ULK4: variants seen among roughly 807,000 people sequenced by gnomAD.
ULK4 encodes inactive serine/threonine-protein kinase ULK4.
Under a neutral mutation model 160.6 loss-of-function variants are expected in ULK4, and 133 were observed. That is an observed-to-expected ratio of 0.83 (90% confidence interval 0.72 to 0.96). The LOEUF is 0.96. Ranked by LOEUF, ULK4 falls within the 40% of genes least tolerant of loss-of-function variation. The pLI is 0.00. For synonymous variants in ULK4, 534 were observed against 539.8 expected, an observed-to-expected ratio of 0.99 and a Z score of 0.15; for missense variants, 1,580 against 1,499.5, an observed-to-expected ratio of 1.05 and a Z score of -0.89.
At chr3:41,728,422 CTTTTTAATAACCAGCTCTGGTGA>C (rs1047383323) in intron 22 of ULK4, among the ~76,000 whole-genome samples, 1 of 152,050 alleles carries the variant, frequency 6.6e-6, no homozygotes, top group Non-Finnish European at 1.5e-5. Context: ...GTACAAGGCT[CTTTTTAATAACCAGCTCTGGTGA>C]GAACTAATGG....
chr3:41,869,406 C>T (rs1697011758), intron 17 of ULK4, among the ~76,000 whole-genome samples: 2 of 152,044 alleles, frequency 1.3e-5, no homozygotes, highest in Admixed American at 1.3e-4. Flanking sequence ...GAAACCCCAT[C>T]TCTACTAAAA....
intron 17 of ULK4, among the ~76,000 whole-genome samples, chr3:41,876,525 G>T (rs1432041368): frequency 6.6e-6 from 1 of 152,090 alleles, no homozygotes; most frequent in African/African-American, 2.4e-5. Flanking sequence ...CCCTAAAGTT[G>T]AACACACACA....
rs548853391 is a variant in ULK4, at chr3:41,893,950, T to C, written c.1577+1568A>G. On this transcript the variant is annotated intron_variant, in intron 16 of 36. Transcript: ENST00000301831. ...AGAGAAAACGTCGCTGGAAGTGGCT[T>C]TGAATGGAGAAAGAATAAAAGAGGA... Among the ~76,000 whole-genome samples, 183 of 152,260 alleles carry C rather than the reference T, an allele frequency of 1.2e-3. No individual in the cohort carries two copies. The Middle Eastern group carries it at 0.014, about 11-fold the overall frequency.
chr3:41,832,747 T>C (rs2041632342), intron 18 of ULK4, among the ~76,000 whole-genome samples: 1 of 152,228 alleles, frequency 6.6e-6, no homozygotes, highest in Non-Finnish European at 1.5e-5. Context: ...CAGTTTCAGT[T>C]TTCTGCATAT....
intron 22 of ULK4, among the ~76,000 whole-genome samples, chr3:41,737,447 A>G (rs2038094214): frequency 6.6e-6 from 1 of 151,852 alleles, no homozygotes; most frequent in South Asian, 2.1e-4. Context: ...GCCCAAGGTA[A>G]TTTATAGATT....
chr3:41,823,021 C>A (rs570429932), intron 18 of ULK4, among the ~76,000 whole-genome samples: 6 of 133,996 alleles, frequency 4.5e-5, no homozygotes, highest in Non-Finnish European at 7.6e-5. Flanking sequence ...CACGCCCGGC[C>A]GAGATTTTTT....
chr3:41,498,263 T>C (rs1402001620), intron 32 of ULK4, among the ~76,000 whole-genome samples: 1 of 152,212 alleles, frequency 6.6e-6, no homozygotes, highest in Non-Finnish European at 1.5e-5. Context: ...TAGAAAATCC[T>C]CAAATGTTTG....
chr3:41,689,848 G>A (rs1219774645), intron 27 of ULK4, among the ~76,000 whole-genome samples: 1 of 150,510 alleles, frequency 6.6e-6, no homozygotes, highest in Non-Finnish European at 1.5e-5. Context: ...TGGTGGGACT[G>A]TAAACTAGTT....
chr3:41,771,757 A>T (rs1035505497), intron 21 of ULK4, among the ~76,000 whole-genome samples: 8 of 152,238 alleles, frequency 5.3e-5, no homozygotes, highest in Non-Finnish European at 8.8e-5. Flanking sequence ...AAGCAAAGAA[A>T]AAACGTAAAA....
At chr3:41,669,682 C>T (rs1360980736) in intron 29 of ULK4, among the ~76,000 whole-genome samples, 1 of 151,974 alleles carries the variant, frequency 6.6e-6, no homozygotes, top group African/African-American at 2.4e-5. Flanking sequence ...ATGTAAAATA[C>T]TGGGGAACTC....
intron 21 of ULK4, among the ~76,000 whole-genome samples, chr3:41,756,054 G>C (rs1255345794): frequency 6.6e-6 from 1 of 152,150 alleles, no homozygotes; most frequent in Non-Finnish European, 1.5e-5. Context: ...TTAACATTTG[G>C]TGAATGTGGA....
chr3:41,311,615 C>G (rs1346188152), intron 35 of ULK4, among the ~76,000 whole-genome samples: 1 of 152,116 alleles, frequency 6.6e-6, no homozygotes, highest in Non-Finnish European at 1.5e-5. Context: ...TGTTGCCAGG[C>G]TGGAGTGCAG....
intron 21 of ULK4, among the ~76,000 whole-genome samples, chr3:41,787,487 T>A (rs1393264267): frequency 6.6e-6 from 1 of 152,074 alleles, no homozygotes; most frequent in African/African-American, 2.4e-5. Flanking sequence ...TGTGCTTCCA[T>A]CCCAACCCAG....
At chr3:41,363,504 C>CTT (rs776972345) in intron 35 of ULK4, among the ~76,000 whole-genome samples, 6 of 152,204 alleles carry the variant, frequency 3.9e-5, no homozygotes, top group Non-Finnish European at 8.8e-5. Context: ...AGCTCTGGTT[C>CTT]TTGCTGAGGC....
At position 41,564,457 on chromosome 3, in the gene ULK4, T is replaced by C. The variant is rs1460943783; in HGVS notation, c.3226+1568A>G. On this transcript the variant is annotated intron_variant, in intron 32 of 36. Transcript: ENST00000301831. ...CGTTTCTTCTTCTTCTTCTTTTTTT[T>C]TTTTTTTTTTTTTTTTTTGAGACAG... Among the ~76,000 whole-genome samples the C allele has an allele frequency of 2.6e-3, 340 of 132,280 alleles. 2 individuals carry two copies. The highest frequency in any genetic ancestry group is 9.4e-3 in the African/African-American group (324 of 34,428). The allele number at this position is 132,280 out of a possible 152,430, so 86.8% of individuals were successfully genotyped here. A position where few individuals can be genotyped will look rare whatever the true frequency, so the allele number is the denominator to read the frequency against.
Position 41,901,769 on chromosome 3 carries a change from G to A in ULK4, c.1183-940C>T, listed in dbSNP as rs1227236250. Among the ~76,000 whole-genome samples the A allele has an allele frequency of 3.9e-5, 6 of 151,916 alleles. No homozygotes were observed. In the South Asian group the frequency reaches 8.3e-4, roughly 21 times the overall value. On this transcript the variant is annotated intron_variant, in intron 12 of 36. Transcript: ENST00000301831. The stretch of plus-strand genomic sequence containing the variant: ...TGCTGGGATTATAGGCGTGAGCCAC[G>A]CGCCTGACCAACGGCTTTATTTTTC...
At chr3:41,896,074 CA>C (rs1698139533) in intron 15 of ULK4, among the ~76,000 whole-genome samples, 1 of 152,050 alleles carries the variant, frequency 6.6e-6, no homozygotes, top group Non-Finnish European at 1.5e-5. Context: ...GTAATATTCC[CA>C]GGGGAAGAGG....
At chr3:41,925,166 G>A (rs1699334134) in intron 5 of ULK4, among the ~76,000 whole-genome samples, 1 of 152,200 alleles carries the variant, frequency 6.6e-6, no homozygotes, top group Non-Finnish European at 1.5e-5. Flanking sequence ...GATCAATGAA[G>A]AAGGCAGGTG....
intron 32 of ULK4, among the ~76,000 whole-genome samples, chr3:41,530,195 A>C (rs932128336): frequency 6.6e-6 from 1 of 152,260 alleles, no homozygotes; most frequent in Non-Finnish European, 1.5e-5. Flanking sequence ...GAAGTGTAAA[A>C]TATTTTCTAA....
Sources: allele counts gnomAD v4.1 joint callset (sites outside exome capture counted in the v4.1 genomes callset), GRCh38; gene constraint gnomAD v4.1.1; transcripts MANE v1.5; gene names NCBI Gene and HGNC (gene_info 2026-07-23, HGNC 2026-07-21).